The following RALYL variants were observed in gnomAD, a reference collection of about 807,000 sequenced individuals.
RALYL encodes the protein RALY RNA binding protein like.
A neutral mutation model predicts 35.1 loss-of-function variants in RALYL; 29 were observed. The ratio of observed to expected loss-of-function variants is 0.83; its 90% confidence interval spans 0.61 to 1.13. RALYL has a LOEUF of 1.13. RALYL is among the 50% of genes most tolerant of loss of function. RALYL has a pLI of 0.00. For synonymous variants in RALYL, 120 were observed against 127.6 expected (o/e 0.94, Z 0.40); for missense variants, 359 against 360.4 (o/e 1.00, Z 0.03).
At chr8:84,196,578 G>C (rs1484188998) in intron 1 of RALYL, among the ~76,000 whole-genome samples, 1 of 151,978 alleles carries the variant, frequency 6.6e-6, no homozygotes, top group Non-Finnish European at 1.5e-5. Context: ...AGTTTGTATT[G>C]TATACTTAAC....
intron 2 of RALYL, among the ~76,000 whole-genome samples, chr8:84,676,134 A>G (rs1834145121): frequency 6.6e-6 from 1 of 152,216 alleles, no homozygotes; most frequent in African/African-American, 2.4e-5. Flanking sequence ...TGAAATGATG[A>G]GCAATAATAT....
intron 1 of RALYL, among the ~76,000 whole-genome samples, chr8:84,198,978 A>T (rs1187888057): frequency 1.3e-5 from 2 of 152,202 alleles, no homozygotes; most frequent in Non-Finnish European, 2.9e-5. Context: ...TCTCTTTGAT[A>T]TACTAATCTT....
At chr8:84,668,739 A>G (rs919149768) in intron 2 of RALYL, among the ~76,000 whole-genome samples, 1 of 152,176 alleles carries the variant, frequency 6.6e-6, no homozygotes, top group Admixed American at 6.6e-5. Flanking sequence ...GATGACTGTT[A>G]TTAGAGCTTG....
intron 8 of RALYL, among the ~76,000 whole-genome samples, chr8:84,898,570 C>T (rs772416757): frequency 1.3e-5 from 2 of 152,182 alleles, no homozygotes; most frequent in Non-Finnish European, 2.9e-5. Flanking sequence ...CACTCAAAAT[C>T]ATCAGTCTTC....
chr8:84,760,970 C>T (rs1002758761), intron 2 of RALYL, among the ~76,000 whole-genome samples: 2 of 152,004 alleles, frequency 1.3e-5, no homozygotes, highest in Non-Finnish European at 2.9e-5. Context: ...AAAATTAAAA[C>T]ATTTTTGACA....
intron 3 of RALYL, among the ~76,000 whole-genome samples, chr8:84,779,311 C>T (rs927350284): frequency 6.6e-6 from 1 of 152,178 alleles, no homozygotes; most frequent in African/African-American, 2.4e-5. Context: ...GTAAAGTAGA[C>T]AGACCTTTCC....
intron 2 of RALYL, among the ~76,000 whole-genome samples, chr8:84,734,067 G>T (rs1452967675): frequency 6.6e-6 from 1 of 152,114 alleles, no homozygotes; most frequent in Non-Finnish European, 1.5e-5. Flanking sequence ...TTTACTCTTT[G>T]TGTAAAAAAT....
In RALYL at chr8:84,857,928, C is replaced by T. The variant is rs573617552; in HGVS notation, c.414-4368C>T. Reference sequence around the variant, plus strand: ...AACAAGTTCTTTTTTAAAAAAGACACTTAAAATAATGTTTGCTTTGTTAAT... The same window carrying T: ...AACAAGTTCTTTTTTAAAAAAGACATTTAAAATAATGTTTGCTTTGTTAAT... On this transcript the variant is annotated intron_variant, in intron 5 of 8. Transcript: ENST00000521268. 7.2e-5 allele frequency among the ~76,000 whole-genome samples: 11 copies of T among 151,988 alleles called. No individual in the cohort carries two copies. The South Asian group carries it at 2.3e-3, about 31-fold the overall frequency.
intron 8 of RALYL, among the ~76,000 whole-genome samples, chr8:84,914,994 CAG>C (rs1252513266): frequency 6.6e-6 from 1 of 152,066 alleles, no homozygotes; most frequent in African/African-American, 2.4e-5. Context: ...CTAGTCTGGG[CAG>C]ACAGGCAAAT....
At chr8:84,570,922 G>T (rs569309758) in intron 2 of RALYL, among the ~76,000 whole-genome samples, 58 of 151,890 alleles carry the variant, frequency 3.8e-4, no homozygotes, top group Non-Finnish European at 3.7e-4. Flanking sequence ...TGCATGCATG[G>T]AATAAAACCC....
chr8:84,319,112 T>G (rs183325185), intron 1 of RALYL, among the ~76,000 whole-genome samples: 25 of 152,290 alleles, frequency 1.6e-4, no homozygotes, highest in African/African-American at 5.8e-4. Context: ...TGTGACTGAT[T>G]ATCAGCCAAC....
intron 1 of RALYL, among the ~76,000 whole-genome samples, chr8:84,513,215 T>C (rs2057767352): frequency 6.6e-6 from 1 of 152,182 alleles, no homozygotes. Context: ...ATGTTTTTCC[T>C]TGTAGAACTC....
At chr8:84,835,383 A>G (rs1474698238) in intron 4 of RALYL, among the ~76,000 whole-genome samples, 1 of 151,310 alleles carries the variant, frequency 6.6e-6, no homozygotes, top group African/African-American at 2.4e-5. Context: ...GAATGAACAT[A>G]TTGGCTGGGC....
Position 84,549,682 on chromosome 8 carries a change from C to G in RALYL, c.256+20105C>G, listed in dbSNP as rs112265481. On this transcript the variant is annotated intron_variant, in intron 2 of 8. Transcript: ENST00000521268. Reference sequence around the variant, plus strand: ...AGATATGCATGAGAGTATGGCAGGCCGGGGAGCCTGAGTCCTTAACTGCAA... The same window carrying G: ...AGATATGCATGAGAGTATGGCAGGCGGGGGAGCCTGAGTCCTTAACTGCAA... Among the ~76,000 whole-genome samples the G allele has an allele frequency of 2.0e-5, 3 of 152,112 alleles. No individual in the cohort carries two copies. The South Asian group carries it at 6.2e-4, about 32-fold the overall frequency.
chr8:84,713,729 G>A (rs1262503886), intron 2 of RALYL, among the ~76,000 whole-genome samples: 1 of 151,606 alleles, frequency 6.6e-6, no homozygotes, highest in African/African-American at 2.4e-5. Context: ...TTTCATTTTT[G>A]GGAATATATT....
Position 84,665,069 on chromosome 8 carries a change from A to G in RALYL, c.257-109510A>G, listed in dbSNP as rs370651989. ...GAATTTTATTGAAGGCTTTTTCTGC[A>G]TCTATTGAGATAATCATGTTGTTTT... On this transcript the variant is annotated intron_variant, in intron 2 of 8. Transcript: ENST00000521268. 3.3e-5 allele frequency among the ~76,000 whole-genome samples: 5 copies of G among 152,152 alleles called. No homozygotes were observed. The East Asian group carries it at 5.8e-4, about 18-fold the overall frequency.
chr8:84,463,848 A>G (rs1332564862), intron 1 of RALYL, among the ~76,000 whole-genome samples: 1 of 152,064 alleles, frequency 6.6e-6, no homozygotes, highest in Non-Finnish European at 1.5e-5. Flanking sequence ...TGTACCCACA[A>G]TCATGGTGTA....
chr8:84,641,902 A>G (rs1294646244), intron 2 of RALYL, among the ~76,000 whole-genome samples: 1 of 151,966 alleles, frequency 6.6e-6, no homozygotes, highest in Admixed American at 6.6e-5. Flanking sequence ...AGGCAAATAT[A>G]AAACTTATTT....
chr8:84,485,176 G>C (rs1206343576), intron 1 of RALYL, among the ~76,000 whole-genome samples: 1 of 151,968 alleles, frequency 6.6e-6, no homozygotes, highest in Non-Finnish European at 1.5e-5. Context: ...ATCTCATTTA[G>C]TTTCATGAGT....
Sources: allele counts gnomAD v4.1 joint callset (sites outside exome capture counted in the v4.1 genomes callset), GRCh38; gene constraint gnomAD v4.1.1; transcripts MANE v1.5; gene names NCBI Gene and HGNC (gene_info 2026-07-23, HGNC 2026-07-21).